Variants in NALF1 observed in about 807,000 individuals in gnomAD.
The protein encoded by NALF1 is NALCN channel auxiliary factor 1.
Under a neutral mutation model 48.4 loss-of-function variants are expected in NALF1, and 3 were observed. The observed-to-expected ratio is 0.06, with a 90% confidence interval of 0.03 to 0.16. The LOEUF is 0.16. Ranked by LOEUF, NALF1 falls within the 10% of genes least tolerant of loss-of-function variation. The pLI, the probability that NALF1 is intolerant of heterozygous loss-of-function variation, is 1.00. For synonymous variants in NALF1, 262 were observed against 245.7 expected, an observed-to-expected ratio of 1.07 and a Z score of -0.62; for missense variants, 526 against 571.5, an observed-to-expected ratio of 0.92 and a Z score of 0.81.
Position 107,865,941 on chromosome 13 carries a change from G to A in NALF1, c.656C>T (p.Ser219Leu). The change falls in exon 1 of 3, where the codon TCG becomes TTG. Residue 219 changes from serine (S) to leucine (L), a missense_variant. Coordinates refer to ENST00000375915, the MANE Select transcript of NALF1 (RefSeq NM_001080396.3). ...SKHPTPLWNL[S>L]DFYLSFCNSY... ...ATTACAAAACGAAAGGTAAAAATCC[G>A]ACAAGTTCCAGAGCGGAGTGGGATG... 6.2e-7 allele frequency: 1 copy of A among 1,613,842 alleles called. No individual in the cohort carries two copies. The highest frequency in any genetic ancestry group is 2.2e-5 in the East Asian group (1 of 44,850).
At chr13:107,343,917 T>G (rs867457281) in intron 1 of NALF1, among the ~76,000 whole-genome samples, 1 of 151,720 alleles carries the variant, frequency 6.6e-6, no homozygotes, top group South Asian at 2.1e-4. Context: ...AACACAGAGT[T>G]TTTTTTTGAA....
chr13:107,545,540 C>G (rs923934245), intron 1 of NALF1, among the ~76,000 whole-genome samples: 3 of 152,154 alleles, frequency 2.0e-5, no homozygotes, highest in Non-Finnish European at 4.4e-5. Flanking sequence ...AGGACTAGGT[C>G]AGGCAAGAAC....
At chr13:107,589,821 A>C (rs1206810501) in intron 1 of NALF1, among the ~76,000 whole-genome samples, 1 of 151,970 alleles carries the variant, frequency 6.6e-6, no homozygotes, top group African/African-American at 2.4e-5. Flanking sequence ...GGCAGGGCTT[A>C]TATGATATGA....
intron 1 of NALF1, among the ~76,000 whole-genome samples, chr13:107,330,574 C>T (rs781039579): frequency 9.2e-5 from 14 of 152,316 alleles, no homozygotes; most frequent in Middle Eastern, 3.4e-3. Flanking sequence ...GTTTCACCCT[C>T]TTCCTAAACT....
intron 1 of NALF1, among the ~76,000 whole-genome samples, chr13:107,400,053 C>A (rs1187301832): frequency 6.6e-6 from 1 of 152,108 alleles, no homozygotes; most frequent in Non-Finnish European, 1.5e-5. Context: ...TCTTCCATGA[C>A]ATTAACTTAA....
At chr13:107,187,776 C>T (rs1879206715) in intron 2 of NALF1, among the ~76,000 whole-genome samples, 1 of 152,124 alleles carries the variant, frequency 6.6e-6, no homozygotes, top group Admixed American at 6.6e-5. Flanking sequence ...AGAATGGTTC[C>T]CATTTCCTCT....
At chr13:107,339,138 G>GA (rs3072810) in intron 1 of NALF1, among the ~76,000 whole-genome samples, 40 of 121,172 alleles carry the variant, frequency 3.3e-4, no homozygotes, top group East Asian at 4.8e-4. Context: ...TGTCTCAGAA[G>GA]AAAAAAAAAA....
intron 1 of NALF1, among the ~76,000 whole-genome samples, chr13:107,522,244 C>G (rs140695625): frequency 2.6e-5 from 4 of 152,060 alleles, no homozygotes; most frequent in African/African-American, 9.7e-5. Context: ...TCTCGTATTT[C>G]GTATCCTCTC....
At chr13:107,444,265 T>C (rs1431253396) in intron 1 of NALF1, among the ~76,000 whole-genome samples, 1 of 152,160 alleles carries the variant, frequency 6.6e-6, no homozygotes, top group Non-Finnish European at 1.5e-5. Context: ...TTTTACTATT[T>C]AGAAAGAAAA....
intron 1 of NALF1, among the ~76,000 whole-genome samples, chr13:107,232,219 C>T (rs759317073): frequency 2.0e-5 from 3 of 152,156 alleles, no homozygotes; most frequent in South Asian, 4.1e-4. Context: ...CCCTGTTATT[C>T]CTACCCTGGA....
At chr13:107,586,061 G>A (rs1219229812) in intron 1 of NALF1, among the ~76,000 whole-genome samples, 1 of 152,002 alleles carries the variant, frequency 6.6e-6, no homozygotes, top group African/African-American at 2.4e-5. Flanking sequence ...GATAAGCAAT[G>A]GCATTGATTT....
chr13:107,763,825 G>C (rs1194757430), intron 1 of NALF1, among the ~76,000 whole-genome samples: 1 of 152,104 alleles, frequency 6.6e-6, no homozygotes, highest in Non-Finnish European at 1.5e-5. Context: ...CAATGATCTG[G>C]ATGAGATTTC....
At chr13:107,567,440 T>C (rs757796078) in intron 1 of NALF1, among the ~76,000 whole-genome samples, 4 of 152,360 alleles carry the variant, frequency 2.6e-5, no homozygotes, top group South Asian at 2.1e-4. Flanking sequence ...CCTGATTGTC[T>C]ACTTGACATG....
At position 107,779,591 on chromosome 13, in the gene NALF1, A is replaced by G. The variant is rs554748666; in HGVS notation, c.915+86091T>C. Among the ~76,000 whole-genome samples the G allele has an allele frequency of 5.3e-5, 8 of 152,300 alleles. No individual in the cohort carries two copies. The South Asian group carries it at 1.0e-3, about 20-fold the overall frequency. ...GCTCACACTCCCTTGGAGCCAAACCATTCTAGCTGACAAAAGTGCGTTGAT... is the reference window on the plus strand; with the variant it reads ...GCTCACACTCCCTTGGAGCCAAACCGTTCTAGCTGACAAAAGTGCGTTGAT... On this transcript the variant is annotated intron_variant, in intron 1 of 2. Coordinates refer to ENST00000375915, the MANE Select transcript of NALF1 (RefSeq NM_001080396.3).
rs146056758 is a variant in NALF1, at chr13:107,447,043, G to A, written c.916-236288C>T. Among the ~76,000 whole-genome samples, 689 of 152,242 alleles carry A rather than the reference G, an allele frequency of 4.5e-3. 6 individuals are homozygous for A. The highest frequency in any genetic ancestry group is 0.016 in the African/African-American group (645 of 41,564). On this transcript the variant is annotated intron_variant, in intron 1 of 2. Coordinates refer to ENST00000375915, the MANE Select transcript of NALF1 (RefSeq NM_001080396.3). The stretch of plus-strand genomic sequence containing the variant: ...TTGTCTGATGAACAAATGAAGTACC[G>A]TATTGGGATTTGCATTTGAAAAAGT...
At chr13:107,192,698 G>C (rs962998304) in intron 2 of NALF1, among the ~76,000 whole-genome samples, 1 of 152,156 alleles carries the variant, frequency 6.6e-6, no homozygotes, top group Non-Finnish European at 1.5e-5. Flanking sequence ...AGGGTTTGTG[G>C]CTATCATAAC....
At chr13:107,693,329 A>T (rs55916721) in intron 1 of NALF1, among the ~76,000 whole-genome samples, 4 of 68,032 alleles carry the variant, frequency 5.9e-5, no homozygotes, top group African/African-American at 1.8e-4. Flanking sequence ...GTCGTAGGGT[A>T]GGGGGGGCGG....
intron 1 of NALF1, among the ~76,000 whole-genome samples, chr13:107,864,401 T>C (rs761047978): frequency 6.6e-6 from 1 of 152,234 alleles, no homozygotes; most frequent in Admixed American, 6.5e-5. Flanking sequence ...TCATTTAAAA[T>C]AGGCATCCCT....
At chr13:107,403,144 C>A (rs1490983553) in intron 1 of NALF1, among the ~76,000 whole-genome samples, 4 of 147,346 alleles carry the variant, frequency 2.7e-5, no homozygotes, top group African/African-American at 1.0e-4. Context: ...CACACTTGAC[C>A]CCACATTTTA....
Sources: allele counts gnomAD v4.1 joint callset (sites outside exome capture counted in the v4.1 genomes callset), GRCh38; gene constraint gnomAD v4.1.1; transcripts MANE v1.5; gene names NCBI Gene and HGNC (gene_info 2026-07-23, HGNC 2026-07-21).